Variants in TMA7 observed in about 807,000 individuals in gnomAD.
TMA7 encodes translation machinery-associated protein 7.
TMA7 carries 5 observed loss-of-function variants against 12.5 expected under a neutral mutation model. The observed-to-expected ratio is 0.40, with a 90% CI of 0.21 to 0.84. The LOEUF (loss-of-function observed/expected upper bound fraction) is 0.84, where lower values mean the gene tolerates loss of function less well. Ranked by LOEUF, TMA7 falls within the 40% of genes least tolerant of loss-of-function variation. The pLI, the probability that TMA7 is intolerant of heterozygous loss-of-function variation, is 0.36. For synonymous variants in TMA7, 36 were observed against 28.1 expected, an observed-to-expected ratio of 1.28 and a Z score of -0.89; for missense variants, 71 against 75.4, an observed-to-expected ratio of 0.94 and a Z score of 0.22.
At chr3:48,441,202 A>G (rs1450953023) in intron 3 of TMA7, among the ~76,000 whole-genome samples, 1 of 150,888 alleles carries the variant, frequency 6.6e-6, no homozygotes, top group Non-Finnish European at 1.5e-5. Context: ...TTTGAGACGG[A>G]GTGCGGCTAA....
At chr3:48,440,813 C>G (rs1273062210) in intron 3 of TMA7, 185 bp downstream of exon 3, 1 of 622,712 alleles carries the variant, frequency 1.6e-6, no homozygotes, top group African/African-American at 1.8e-5. Context: ...GAGCTGGAAA[C>G]GAGGTCTCCT....
chr3:48,443,455 A>T (rs1342202994), intron 3 of TMA7, among the ~76,000 whole-genome samples: 1 of 151,526 alleles, frequency 6.6e-6, no homozygotes, highest in Non-Finnish European at 1.5e-5. Context: ...AATTGCTTCA[A>T]CCTGGGAGGC....
intron 3 of TMA7, among the ~76,000 whole-genome samples, chr3:48,442,927 GAAC>G (rs1170080274): frequency 2.0e-5 from 3 of 151,866 alleles, no homozygotes; most frequent in Non-Finnish European, 4.4e-5. Context: ...TCACATACTT[GAAC>G]AACACCTAAC....
At chr3:48,440,667 C>T in intron 3 of TMA7, 39 bp downstream of exon 3, 1 of 1,569,662 alleles carries the variant, frequency 6.4e-7, no homozygotes, top group Non-Finnish European at 8.7e-7. Context: ...TGGCCAAACG[C>T]TATGAGCACC....
At chr3:48,441,651 C>T (rs1021873107) in intron 3 of TMA7, among the ~76,000 whole-genome samples, 1 of 152,166 alleles carries the variant, frequency 6.6e-6, no homozygotes, top group Non-Finnish European at 1.5e-5. Context: ...TTTTTTACAT[C>T]TTTTATGTAG....
At position 48,440,282 on chromosome 3, in the gene TMA7, G is replaced by A. The variant is rs374017589; in HGVS notation, c.-15G>A. The A allele has an allele frequency of 1.2e-4, 193 of 1,600,068 alleles. No individual in the cohort carries two copies. In the African/African-American group the frequency reaches 2.3e-3, roughly 19 times the overall value. ...GTTTCCGGTGGCAGGGTCTGGGGAA[G>A]CGGCGGCAGGCGCCATGTCCGGCCG... On this transcript the variant is annotated 5_prime_UTR_variant, in exon 1 of 4. Coordinates refer to ENST00000438607, the MANE Select transcript of TMA7 (RefSeq NM_015933.6).
Position 48,440,264 on chromosome 3 carries a change from G to C in TMA7, c.-33G>C. On this transcript the variant is annotated 5_prime_UTR_variant, in exon 1 of 4. Transcript: ENST00000438607. ...GGGTGGGGCAGACGCTCCGTTTCCG[G>C]TGGCAGGGTCTGGGGAAGCGGCGGC... The C allele has an allele frequency of 6.3e-7, 1 of 1,584,142 alleles. No homozygotes were observed.
chr3:48,444,026 T>C lies in TMA7; in HGVS notation c.*144T>C. ...TGTTGTACATTTAAGAATAAACTTT[T>C]GTAAAAAAAGAAAAATCTTACAGTG... On this transcript the variant is annotated 3_prime_UTR_variant, in exon 4 of 4. Coordinates refer to ENST00000438607, the MANE Select transcript of TMA7 (RefSeq NM_015933.6). The C allele has an allele frequency of 3.2e-6, 2 of 626,052 alleles. No individual in the cohort carries two copies. The highest frequency in any genetic ancestry group is 4.8e-6 in the Non-Finnish European group (2 of 417,726). 38.8% of individuals were successfully genotyped at this position (626,052 alleles called of 1,614,324 possible). A position where few individuals can be genotyped will look rare whatever the true frequency, so the allele number is the denominator to read the frequency against.
chr3:48,440,981 G>C, intron 3 of TMA7: 1 of 375,702 alleles, frequency 2.7e-6, no homozygotes, highest in Non-Finnish European at 4.9e-6. Context: ...CTGCCTTCTA[G>C]TGTTTGAACC....
At position 48,440,329 on chromosome 3, in the gene TMA7, C is replaced by A. The variant is rs778825586; in HGVS notation, c.16+17C>A. 6.2e-7 allele frequency: 1 copy of A among 1,611,544 alleles called. No homozygotes were observed. Among genetic ancestry groups the A allele is most frequent in the African/African-American group, 1.3e-5 (1 of 74,894 alleles). Reference sequence around the variant, plus strand: ...GCCGCGAAGGTAAGTGTTCCGGAACCGTGAGGACTGCGGGGACGGCGGGGT... The same window carrying A: ...GCCGCGAAGGTAAGTGTTCCGGAACAGTGAGGACTGCGGGGACGGCGGGGT... On this transcript the variant is annotated intron_variant, in intron 1 of 3. Coordinates refer to ENST00000438607, the MANE Select transcript of TMA7 (RefSeq NM_015933.6).
At chr3:48,441,023 T>C (rs1490700001) in intron 3 of TMA7, 2 of 246,436 alleles carry the variant, frequency 8.1e-6, no homozygotes, top group Non-Finnish European at 1.6e-5. Flanking sequence ...TTGTTTTGTT[T>C]TGTTTTGTTT....
chr3:48,441,277 C>G (rs956207652), intron 3 of TMA7, among the ~76,000 whole-genome samples: 21 of 152,022 alleles, frequency 1.4e-4, no homozygotes, highest in African/African-American at 4.8e-4. Context: ...AACTCCTGAC[C>G]TCGTGATCCA....
chr3:48,441,309 G>A (rs989037730), intron 3 of TMA7, among the ~76,000 whole-genome samples: 1 of 152,082 alleles, frequency 6.6e-6, no homozygotes, highest in Non-Finnish European at 1.5e-5. Context: ...CTCCCAAAGT[G>A]CTGGGATTGC....
rs544083536 is a variant in TMA7 at position 48,440,731 on chromosome 3, C to T, written c.160+103C>T. The T allele has an allele frequency of 9.8e-5, 103 of 1,052,500 alleles. 1 individual carries two copies. The African/African-American group carries it at 1.4e-3, about 14-fold the overall frequency. The allele number at this position is 1,052,500 out of a possible 1,614,324, so 65.2% of individuals were successfully genotyped here. ...TTTCCTGCCTCCTGAACTGCGAGGT[C>T]TCGTTTTCCGACGTCCGCTGCAGCG... On this transcript the variant is annotated intron_variant, in intron 3 of 3. Transcript: ENST00000438607.
chr3:48,440,749 C>A, intron 3 of TMA7, 121 bp downstream of exon 3: 1 of 885,040 alleles, frequency 1.1e-6, no homozygotes, highest in Non-Finnish European at 1.8e-6. Context: ...CCGACGTCCG[C>A]TGCAGCGAAT....
intron 3 of TMA7, among the ~76,000 whole-genome samples, chr3:48,443,054 A>G (rs2039603422): frequency 6.6e-6 from 1 of 151,774 alleles, no homozygotes; most frequent in Admixed American, 6.6e-5. Flanking sequence ...TGCCTGGCCA[A>G]CATGGTCAAA....
At chr3:48,440,651 T>C (rs180763982) in intron 3 of TMA7, 23 bp downstream of exon 3, 278 of 1,604,042 alleles carry the variant, frequency 1.7e-4, no homozygotes, top group Middle Eastern at 1.6e-3. Context: ...CGAATGGAGC[T>C]CAAGCTGGCC....
At position 48,443,993 on chromosome 3, in the gene TMA7, C is replaced by T; in HGVS notation, c.*111C>T. ...ACGTATAGCTGGAATTAAGTGTTGT[C>T]TTGGAGCTGTTGTACATTTAAGAAT... On this transcript the variant is annotated 3_prime_UTR_variant, in exon 4 of 4. Transcript: ENST00000438607. The T allele has an allele frequency of 1.3e-6, 1 of 779,070 alleles. No individual in the cohort carries two copies. The highest frequency in any genetic ancestry group is 1.8e-6 in the Non-Finnish European group (1 of 543,590). 48.3% of individuals were successfully genotyped at this position (779,070 alleles called of 1,614,324 possible).
intron 3 of TMA7, among the ~76,000 whole-genome samples, chr3:48,443,241 C>CAAA (rs3082576): frequency 5.7e-5 from 4 of 70,534 alleles, no homozygotes; most frequent in African/African-American, 1.3e-4. Context: ...ACTCCATCTC[C>CAAA]AAAAAAAAAA....
Sources: allele counts gnomAD v4.1 joint callset (sites outside exome capture counted in the v4.1 genomes callset), GRCh38; gene constraint gnomAD v4.1.1; transcripts MANE v1.5; gene names NCBI Gene and HGNC (gene_info 2026-07-23, HGNC 2026-07-21).